The following KMT2E variants were observed in gnomAD, a reference collection of about 807,000 sequenced individuals.
KMT2E encodes histone reader KMT2E.
A neutral mutation model predicts 184.6 loss-of-function variants in KMT2E; 30 were observed. That is an observed-to-expected ratio of 0.16 (90% CI 0.12 to 0.22). KMT2E has a LOEUF of 0.22. Among genes scored for constraint, KMT2E ranks in the 10% least tolerant of loss-of-function variants. The pLI is 1.00. For missense variants in KMT2E, 2,023 were observed against 2,237.4 expected (o/e 0.90, Z 1.93); for synonymous variants, 815 against 776.5 (o/e 1.05, Z -0.82).
In KMT2E at chr7:105,079,511, C is replaced by CTTTTTTTTTTTT. The variant is rs66734303; in HGVS notation, c.1248+567_1248+578dup. Among the ~76,000 whole-genome samples the CTTTTTTTTTTTT allele has an allele frequency of 2.4e-4, 15 of 62,336 alleles. 2 individuals carry two copies. Among genetic ancestry groups the CTTTTTTTTTTTT allele is most frequent in the South Asian group, 6.0e-4 (1 of 1,660 alleles). The allele number at this position is 62,336 out of a possible 152,430, so 40.9% of individuals were successfully genotyped here. On this transcript the variant is annotated intron_variant, in intron 12 of 26. Coordinates refer to ENST00000311117, the MANE Select transcript of KMT2E (RefSeq NM_182931.3). Reference sequence around the variant, plus strand: ...CTTATAAGAGGAAATATTGGACTTCCTTTTTTTTTTTTTTTTTTTTTTTTT... The same window carrying CTTTTTTTTTTTT: ...CTTATAAGAGGAAATATTGGACTTCCTTTTTTTTTTTTTTTTTTTTTTTTTTTTTTTTTTTTT...
At chr7:105,050,056 A>T (rs185160911) in intron 3 of KMT2E, among the ~76,000 whole-genome samples, 4 of 152,142 alleles carry the variant, frequency 2.6e-5, no homozygotes, top group African/African-American at 9.6e-5. Context: ...TCTCTATTAG[A>T]TCATTCCTAT....
chr7:105,052,621 C>T (rs1796394637), intron 3 of KMT2E, among the ~76,000 whole-genome samples: 1 of 152,030 alleles, frequency 6.6e-6, no homozygotes, highest in Admixed American at 6.5e-5. Flanking sequence ...TGCAGTGGCG[C>T]AGTTTTGGCT....
chr7:105,021,237 T>G (rs772327598), intron 1 of KMT2E, among the ~76,000 whole-genome samples: 9 of 152,230 alleles, frequency 5.9e-5, no homozygotes, highest in African/African-American at 2.2e-4. Context: ...AGTCTCTGCT[T>G]CTTCTCTTTA....
rs138976027 is a variant in KMT2E, at chr7:105,057,287, C to T, written c.72-4877C>T. ...AGATTCTAAATGTAAGATAAAAATG[C>T]TTGGAGAACTTTTTTATTTCCACTT... is the stretch of plus-strand genomic sequence containing the variant. On this transcript the variant is annotated intron_variant, in intron 3 of 26. Transcript: ENST00000311117. Among the ~76,000 whole-genome samples, 453 of 152,250 alleles carry T rather than the reference C, an allele frequency of 3.0e-3. 15 individuals are homozygous for T. In the East Asian group the frequency reaches 0.062, roughly 21 times the overall value.
intron 13 of KMT2E, 121 bp from the exon 14 acceptor site, chr7:105,089,888 G>T (rs1367143686): frequency 2.2e-6 from 3 of 1,388,256 alleles, no homozygotes; most frequent in South Asian, 2.8e-5. Flanking sequence ...TACTAAAAAG[G>T]ATTGCTTATA....
intron 11 of KMT2E, among the ~76,000 whole-genome samples, chr7:105,078,222 A>G (rs150618619): frequency 4.6e-5 from 7 of 152,342 alleles, no homozygotes; most frequent in East Asian, 1.9e-4. Flanking sequence ...AAAGACATCA[A>G]ATTAATCTTG....
At position 105,036,455 on chromosome 7, in the gene KMT2E, C is replaced by T. The variant is rs563648507; in HGVS notation, c.-188-1671C>T. On this transcript the variant is annotated intron_variant, in intron 1 of 26. Coordinates refer to ENST00000311117, the MANE Select transcript of KMT2E (RefSeq NM_182931.3). ...AAGTGCTGGGATTACAAGTGTGAGCCACAGCTCTCAGCCATCTGGCAGTTT... is the reference window on the plus strand; with the variant it reads ...AAGTGCTGGGATTACAAGTGTGAGCTACAGCTCTCAGCCATCTGGCAGTTT... Among the ~76,000 whole-genome samples, 3 of 152,210 alleles carry T rather than the reference C, an allele frequency of 2.0e-5. No individual in the cohort carries two copies. The South Asian group carries it at 6.2e-4, about 32-fold the overall frequency.
chr7:105,101,803 T>C, intron 16 of KMT2E, 83 bp from the exon 17 acceptor site: 1 of 1,189,640 alleles, frequency 8.4e-7, no homozygotes, highest in Admixed American at 3.2e-5. Context: ...GAAAGTTGGC[T>C]TCTGAAGTAG....
chr7:105,081,158 C>T (rs1304537289), intron 12 of KMT2E, among the ~76,000 whole-genome samples: 3 of 151,956 alleles, frequency 2.0e-5, no homozygotes, highest in Non-Finnish European at 4.4e-5. Flanking sequence ...GAGGCCGGCA[C>T]ATCATGAGGT....
At chr7:105,040,288 A>G (rs1002147064) in intron 2 of KMT2E, among the ~76,000 whole-genome samples, 2 of 152,126 alleles carry the variant, frequency 1.3e-5, no homozygotes, top group African/African-American at 4.8e-5. Context: ...GCTGGAGGAG[A>G]GCTACCAGAT....
chr7:105,067,139 C>T (rs920107637), intron 6 of KMT2E, among the ~76,000 whole-genome samples: 3 of 148,378 alleles, frequency 2.0e-5, no homozygotes, highest in East Asian at 2.0e-4. Flanking sequence ...TTCTAACATA[C>T]GCTTTTCCAT....
chr7:105,084,629 G>GAA (rs35599947), intron 13 of KMT2E, among the ~76,000 whole-genome samples: 3,224 of 144,072 alleles, frequency 0.022, 108 homozygotes, highest in African/African-American at 0.073. Context: ...TCTGTCTCAA[G>GAA]AAAAAAAAAA....
At position 105,112,020 on chromosome 7, in the gene KMT2E, C is replaced by A. The variant is rs755235345; in HGVS notation, c.4264C>A (p.Arg1422Ser). 3.7e-6 allele frequency: 6 copies of A among 1,614,168 alleles called. No homozygotes were observed. Among genetic ancestry groups the A allele is most frequent in the Non-Finnish European group, 5.1e-6 (6 of 1,180,024 alleles). Reference sequence around the variant, plus strand: ...GAATCATCCTCCTCAGACACACGTTCGTAATTCATCTGAGCAACTTTCACA... The same window carrying A: ...GAATCATCCTCCTCAGACACACGTTAGTAATTCATCTGAGCAACTTTCACA... The part of the protein sequence containing the change: ...SKNHPPQTHV[R>S]NSSEQLSQKL... The change falls in exon 27 of 27, where the codon CGT (arginine) becomes AGT (serine). Residue 1422 changes from arginine (R) to serine (S), a missense_variant. Physicochemically the swap from Arg to Ser is moderately radical, Grantham distance 110. Coordinates refer to ENST00000311117, the MANE Select transcript of KMT2E (RefSeq NM_182931.3).
rs1001678645 is a variant in KMT2E at position 105,014,210 on chromosome 7, G to A, written c.-514G>A. ...GCCGCCGCCGCCATTTTCCCAGAGC[G>A]AGAGGCAGTGACACTGAGCGGGCGC... On this transcript the variant is annotated 5_prime_UTR_variant, in exon 1 of 27. Transcript: ENST00000311117. 2.0e-4 allele frequency: 40 copies of A among 200,330 alleles called. No homozygotes were observed. The highest frequency in any genetic ancestry group is 9.3e-4 in the African/African-American group (39 of 41,950). 12.4% of individuals were successfully genotyped at this position (200,330 alleles called of 1,614,324 possible). A position where few individuals can be genotyped will look rare whatever the true frequency, so the allele number is the denominator to read the frequency against.
intron 2 of KMT2E, among the ~76,000 whole-genome samples, chr7:105,040,326 CAAT>C (rs988884066): frequency 1.3e-5 from 2 of 152,042 alleles, no homozygotes; most frequent in African/African-American, 4.8e-5. Context: ...TGAAAATATA[CAAT>C]AATAGACAAT....
intron 4 of KMT2E, among the ~76,000 whole-genome samples, chr7:105,062,770 A>G (rs560689552): frequency 4.0e-5 from 6 of 151,886 alleles, no homozygotes; most frequent in Admixed American, 6.6e-5. Context: ...AAGCCTATCT[A>G]ACTTATTAAA....
chr7:105,097,434 G>A (rs1798456500), intron 15 of KMT2E, among the ~76,000 whole-genome samples: 1 of 152,080 alleles, frequency 6.6e-6, no homozygotes, highest in East Asian at 1.9e-4. Context: ...TGCCAGGCCT[G>A]GAGTGCAGTG....
rs1485110718 is a variant in KMT2E, at chr7:105,073,655, C to G, written c.534C>G (p.Arg178=). 1.2e-6 allele frequency: 2 copies of G among 1,604,534 alleles called. No homozygotes were observed. The change falls in exon 7 of 27, where the codon CGC becomes CGG. Residue 178 remains arginine, a synonymous_variant. Coordinates refer to ENST00000311117, the MANE Select transcript of KMT2E (RefSeq NM_182931.3). ...AAGAGAGGGCAGTGCTACTACAACG[C>G]CGGAAAAGGGAAAATATGTCAGGTA... The part of the protein sequence containing the change: ...LDKERAVLLQ[R]RKRENMSDGD...
chr7:105,091,172 G>C (rs775750245), intron 14 of KMT2E, 44 bp from the exon 15 acceptor site: 1 of 879,386 alleles, frequency 1.1e-6, no homozygotes, highest in Non-Finnish European at 1.9e-6. Context: ...TAGTTGTATA[G>C]ATGGAATAAT....
Sources: allele counts gnomAD v4.1 joint callset (sites outside exome capture counted in the v4.1 genomes callset), GRCh38; gene constraint gnomAD v4.1.1; transcripts MANE v1.5; gene names NCBI Gene and HGNC (gene_info 2026-07-23, HGNC 2026-07-21).